The following LATS2 variants were observed in gnomAD, a reference collection of about 807,000 sequenced individuals.
LATS2 encodes large tumor suppressor kinase 2, also known as serine/threonine-protein kinase LATS2.
A neutral mutation model predicts 76.0 loss-of-function variants in LATS2; 24 were observed. That is an observed-to-expected ratio of 0.32 (90% confidence interval 0.23 to 0.44). LATS2 has a LOEUF of 0.44. Among genes scored for constraint, LATS2 ranks in the 20% least tolerant of loss-of-function variants. The pLI, the probability that LATS2 is intolerant of heterozygous loss-of-function variation, is 1.00. For missense variants in LATS2, 1,286 were observed against 1,481.2 expected (o/e 0.87, Z 2.16); for synonymous variants, 692 against 635.4 (o/e 1.09, Z -1.34).
intron 5 of LATS2, among the ~76,000 whole-genome samples, chr13:20,982,114 A>G (rs1869916571): frequency 6.6e-6 from 1 of 152,254 alleles, no homozygotes; most frequent in African/African-American, 2.4e-5. Flanking sequence ...ATTTAGAGTT[A>G]GTTTTGAGTT....
At chr13:21,043,412 C>T (rs1250655119) in intron 2 of LATS2, among the ~76,000 whole-genome samples, 1 of 151,834 alleles carries the variant, frequency 6.6e-6, no homozygotes, top group Non-Finnish European at 1.5e-5. Context: ...TCTAAAGGTA[C>T]GGTTATCTTT....
chr13:21,008,760 T>C (rs1371998763), intron 2 of LATS2, among the ~76,000 whole-genome samples: 1 of 152,060 alleles, frequency 6.6e-6, no homozygotes, highest in African/African-American at 2.4e-5. Context: ...ATTGGTACAA[T>C]CACACAGGAG....
At chr13:21,010,052 G>A (rs1871523384) in intron 2 of LATS2, among the ~76,000 whole-genome samples, 1 of 151,888 alleles carries the variant, frequency 6.6e-6, no homozygotes, top group Non-Finnish European at 1.5e-5. Flanking sequence ...ATACAAAAAT[G>A]AGCCGGGCAT....
intron 2 of LATS2, among the ~76,000 whole-genome samples, chr13:21,003,595 C>A (rs932708899): frequency 1.3e-5 from 2 of 152,048 alleles, no homozygotes; most frequent in African/African-American, 4.8e-5. Flanking sequence ...TGCCTCGCCA[C>A]CACACCCGGC....
chr13:20,998,566 G>A (rs1347580566), intron 2 of LATS2, among the ~76,000 whole-genome samples: 4 of 152,096 alleles, frequency 2.6e-5, no homozygotes, highest in African/African-American at 4.8e-5. Context: ...CACAGGAGCC[G>A]AGGAGCTGGA....
intron 2 of LATS2, among the ~76,000 whole-genome samples, chr13:21,026,423 C>G (rs376529851): frequency 6.6e-6 from 1 of 152,300 alleles, no homozygotes; most frequent in African/African-American, 2.4e-5. Flanking sequence ...CCCATTGATG[C>G]TGTTGTATAA....
chr13:20,988,268 C>T lies in LATS2; in HGVS notation c.1512G>A (p.Val504=). Residue 504 remains valine (V), a synonymous_variant, in exon 4 of 8, where the codon GTG becomes GTA. Coordinates refer to ENST00000382592, the MANE Select transcript of LATS2 (RefSeq NM_014572.3). The part of the protein sequence containing the change: ...LGGAGAFPLD[V]EYGGPDRRCP... ...ACCTCCGGTCTGGGCCTCCGTACTC[C>T]ACGTCCAGCGGGAAGGCGCCTGCGC... 1 of 1,596,634 alleles carries T rather than the reference C, an allele frequency of 6.3e-7. No homozygotes were observed. The highest frequency in any genetic ancestry group is 8.5e-7 in the Non-Finnish European group (1 of 1,178,094).
chr13:20,984,019 C>T, intron 4 of LATS2, among the ~76,000 whole-genome samples: 1 of 152,358 alleles, frequency 6.6e-6, no homozygotes, highest in Non-Finnish European at 1.5e-5. Context: ...CAGCCTCCGC[C>T]TCCTGGGTTC....
intron 1 of LATS2, among the ~76,000 whole-genome samples, chr13:21,052,354 TTTTTA>T (rs1873299097): frequency 6.6e-6 from 1 of 152,020 alleles, no homozygotes; most frequent in Admixed American, 6.6e-5. Context: ...TCCTCTTTAT[TTTTTA>T]TTTATTTATT....
At chr13:21,012,026 GA>G (rs1871611347) in intron 2 of LATS2, among the ~76,000 whole-genome samples, 1 of 152,152 alleles carries the variant, frequency 6.6e-6, no homozygotes, top group Non-Finnish European at 1.5e-5. Flanking sequence ...CCCTGGCCAG[GA>G]ATCATTTTTT....
In LATS2 at chr13:20,988,343, C is replaced by CGGGGTG; in HGVS notation, c.1436_1437insCACCCC (p.Pro479_Ala480insThrPro). The CGGGGTG allele has an allele frequency of 1.5e-6, 2 of 1,298,768 alleles. No homozygotes were observed. Among genetic ancestry groups the CGGGGTG allele is most frequent in the Non-Finnish European group, 2.0e-6 (2 of 1,004,358 alleles). The allele number at this position is 1,298,768 out of a possible 1,614,324, so 80.5% of individuals were successfully genotyped here. A position where few individuals can be genotyped will look rare whatever the true frequency, so the allele number is the denominator to read the frequency against. ...CCTTGGCGTCCAAGCCCTCCGCAGC[C>CGGGGTG]GGGGCGGGGGCGGGGGCGGGGGCCG... On this transcript the variant is annotated inframe_insertion, in exon 4 of 8. Transcript: ENST00000382592.
intron 4 of LATS2, 55 bp downstream of exon 4, chr13:20,987,826 T>TA: frequency 3.2e-6 from 5 of 1,571,316 alleles, no homozygotes; most frequent in Non-Finnish European, 3.5e-6. Context: ...GTGCTTCCTA[T>TA]TGCCAGTAGA....
chr13:21,037,001 A>C (rs568614886), intron 2 of LATS2, among the ~76,000 whole-genome samples: 1 of 152,382 alleles, frequency 6.6e-6, no homozygotes, highest in Admixed American at 6.5e-5. Context: ...TATTCTAAGG[A>C]AGTCAGTAAT....
chr13:21,016,794 A>T (rs1306071236), intron 2 of LATS2, among the ~76,000 whole-genome samples: 1 of 152,204 alleles, frequency 6.6e-6, no homozygotes, highest in Non-Finnish European at 1.5e-5. Flanking sequence ...TGTGAAATTC[A>T]TCAGAAAACC....
At chr13:21,021,490 A>AG (rs1872061594) in intron 2 of LATS2, among the ~76,000 whole-genome samples, 1 of 150,786 alleles carries the variant, frequency 6.6e-6, no homozygotes. Flanking sequence ...AAAAAAAAAA[A>AG]AAAAAAAAAA....
chr13:20,984,457 A>G (rs1015886681), intron 4 of LATS2, among the ~76,000 whole-genome samples: 29 of 152,300 alleles, frequency 1.9e-4, no homozygotes, highest in African/African-American at 6.5e-4. Flanking sequence ...AAAGTCAACA[A>G]TCAGCATACA....
chr13:21,057,575 C>T (rs1395856294), intron 1 of LATS2, among the ~76,000 whole-genome samples: 1 of 151,922 alleles, frequency 6.6e-6, no homozygotes, highest in Non-Finnish European at 1.5e-5. Flanking sequence ...GGGTGGATCA[C>T]GAGGTCAGGA....
At chr13:21,012,540 T>C (rs1350107099) in intron 2 of LATS2, among the ~76,000 whole-genome samples, 5 of 152,262 alleles carry the variant, frequency 3.3e-5, no homozygotes, top group African/African-American at 1.2e-4. Context: ...TGACTGTATT[T>C]ATTACCAGGT....
chr13:21,017,967 A>C (rs535424680), intron 2 of LATS2: 1 of 152,124 alleles, frequency 6.6e-6, no homozygotes, highest in Non-Finnish European at 1.5e-5. Context: ...CTATCCCTTC[A>C]ATTAGGTGCC....
Sources: gnomAD v4.1 joint callset for allele counts (sites outside exome capture counted in the v4.1 genomes callset) on GRCh38, gnomAD v4.1.1 for gene constraint, MANE v1.5 for transcripts, NCBI Gene and HGNC (gene_info 2026-07-23, HGNC 2026-07-21) for gene names.